RANBP2: variants seen among roughly 807,000 people sequenced by gnomAD.
RANBP2 encodes the protein RAN binding protein 2.
A neutral mutation model predicts 303.6 loss-of-function variants in RANBP2; 57 were observed. The observed-to-expected ratio is 0.19, with a 90% CI of 0.15 to 0.23. The LOEUF (loss-of-function observed/expected upper bound fraction) is 0.23, where lower values mean the gene tolerates loss of function less well. RANBP2 is among the 10% of genes least tolerant of loss of function. The pLI, the probability that RANBP2 is intolerant of heterozygous loss-of-function variation, is 1.00. For missense variants in RANBP2, 3,138 were observed against 3,780.8 expected (o/e 0.83, Z 4.46); for synonymous variants, 1,167 against 1,301.5 (o/e 0.90, Z 2.23).
the RANBP2 span, among the ~76,000 whole-genome samples, chr2:109,196,888 C>T: frequency 4.6e-5 from 7 of 152,200 alleles, no homozygotes; most frequent in African/African-American, 1.2e-4. Context: ...CCTTTGAGGA[C>T]CCCGGCACAT....
chr2:109,776,988 AATAGAG>A, the RANBP2 span, among the ~76,000 whole-genome samples: 1 of 49,656 alleles, frequency 2.0e-5, no homozygotes, highest in African/African-American at 6.5e-5. Flanking sequence ...GTCATCTGTG[AATAGAG>A]ATAGTTTTGC....
chr2:109,209,881 T>G, the RANBP2 span, among the ~76,000 whole-genome samples: 1 of 152,308 alleles, frequency 6.6e-6, no homozygotes, highest in African/African-American at 2.4e-5. Context: ...TACAGTTCAG[T>G]GGCATTAAGT....
the RANBP2 span, among the ~76,000 whole-genome samples, chr2:108,979,485 A>T: frequency 2.0e-5 from 3 of 151,590 alleles, no homozygotes; most frequent in South Asian, 4.2e-4. Flanking sequence ...ACACACACAC[A>T]CACACACACA....
chr2:108,749,090 C>T lies in RANBP2; in HGVS notation c.1234C>T (p.Arg412Ter). The T allele has an allele frequency of 6.2e-7, 1 of 1,611,824 alleles. No homozygotes were observed. Among genetic ancestry groups the T allele is most frequent in the Non-Finnish European group, 8.5e-7 (1 of 1,179,842 alleles). Residue 412 changes from arginine (R) to a stop codon, truncating the protein, a stop_gained, in exon 9 of 29, where the codon CGA becomes TGA. Transcript: ENST00000283195. LOFTEE classifies it high-confidence loss of function. ...CGATGATATTGGAAACATTGATGTA[C>T]GAGAACCAGAGCTTGAAGATTTGAC... ...GSDDIGNIDVREPELEDLTRY... is the reference protein window; with the variant it reads ...GSDDIGNIDV
At chr2:109,351,323 G>T in the RANBP2 span, among the ~76,000 whole-genome samples, 1 of 152,164 alleles carries the variant, frequency 6.6e-6, no homozygotes. Context: ...AACCTTTCTG[G>T]GCCAGGAGCA....
chr2:109,096,810 T>C, the RANBP2 span, among the ~76,000 whole-genome samples: 3 of 152,008 alleles, frequency 2.0e-5, no homozygotes, highest in Non-Finnish European at 4.4e-5. Flanking sequence ...CTTTTTTTTT[T>C]TTTCAGACCC....
chr2:109,633,864 G>A, the RANBP2 span, among the ~76,000 whole-genome samples: 1 of 147,296 alleles, frequency 6.8e-6, no homozygotes, highest in Non-Finnish European at 1.5e-5. Flanking sequence ...GCTCACGTCT[G>A]TAATTCCAGC....
the RANBP2 span, among the ~76,000 whole-genome samples, chr2:109,273,918 G>A: frequency 7.9e-5 from 12 of 152,132 alleles, no homozygotes; most frequent in Middle Eastern, 3.2e-3. Context: ...TGGTAGGACT[G>A]GGTTTGGTGC....
the RANBP2 span, among the ~76,000 whole-genome samples, chr2:109,204,052 G>A: frequency 1.3e-5 from 2 of 152,168 alleles, no homozygotes; most frequent in African/African-American, 4.8e-5. Context: ...GAGGCCATTC[G>A]AAAAATGCCT....
chr2:109,077,122 A>G, the RANBP2 span, among the ~76,000 whole-genome samples: 1 of 150,782 alleles, frequency 6.6e-6, no homozygotes, highest in African/African-American at 2.4e-5. Context: ...AAGGACCCCA[A>G]GAATACACAA....
chr2:108,736,041 A>G, intron 5 of RANBP2, 63 bp from the exon 6 acceptor site: 1 of 1,611,482 alleles, frequency 6.2e-7, no homozygotes, highest in Non-Finnish European at 8.5e-7. Flanking sequence ...TTGTAGGCTT[A>G]AAATGATTAA....
chr2:108,742,785 C>T (rs1441548062), intron 7 of RANBP2, among the ~76,000 whole-genome samples: 2 of 151,850 alleles, frequency 1.3e-5, no homozygotes, highest in Non-Finnish European at 2.9e-5. Context: ...ACTGATAGTT[C>T]TTATTTTTAT....
chr2:109,730,142 C>A, the RANBP2 span, among the ~76,000 whole-genome samples: 3 of 152,164 alleles, frequency 2.0e-5, no homozygotes, highest in Admixed American at 6.5e-5. Flanking sequence ...CAGAGCCAAA[C>A]CACATCAGGT....
chr2:108,806,749 T>A, the RANBP2 span, among the ~76,000 whole-genome samples: 1 of 152,200 alleles, frequency 6.6e-6, no homozygotes, highest in Non-Finnish European at 1.5e-5. Context: ...AAAAGATATG[T>A]TATTTCTGTG....
At chr2:109,382,055 CTG>C in the RANBP2 span, among the ~76,000 whole-genome samples, 1 of 152,128 alleles carries the variant, frequency 6.6e-6, no homozygotes, top group African/African-American at 2.4e-5. Flanking sequence ...GGCTTGAGGT[CTG>C]CAGTTGCTTA....
At position 108,764,654 on chromosome 2, in the gene RANBP2, G is replaced by A. The variant is rs989658860; in HGVS notation, c.4115G>A (p.Cys1372Tyr). ...AAGAATGCTTCAACTGCTAAGAAAT[G>A]TGTATCATGCCAAAATCTAAACCCA... is the stretch of plus-strand genomic sequence containing the variant. ...SLKNASTAKK[C>Y]VSCQNLNPSN... is the part of the protein sequence containing the mutation. The change falls in exon 20 of 29, where the codon TGT becomes TAT. Residue 1372 changes from cysteine (C) to tyrosine (Y), a missense_variant. This residue lies in a region of RANBP2 where 388 missense variants were observed against 328.5 expected (regional missense o/e 1.18). Transcript: ENST00000283195. 1.2e-6 allele frequency: 2 copies of A among 1,613,950 alleles called. No homozygotes were observed. Among genetic ancestry groups the A allele is most frequent in the African/African-American group, 1.3e-5 (1 of 74,916 alleles).
chr2:109,588,834 C>A, the RANBP2 span, among the ~76,000 whole-genome samples: 4 of 134,164 alleles, frequency 3.0e-5, no homozygotes, highest in African/African-American at 2.8e-5. Context: ...AAGTTAAAGC[C>A]TAGGTCAATT....
chr2:109,678,136 G>C, the RANBP2 span, among the ~76,000 whole-genome samples: 1 of 152,206 alleles, frequency 6.6e-6, no homozygotes, highest in African/African-American at 2.4e-5. Context: ...AGAATGGACA[G>C]CACCAAGCAA....
chr2:109,557,608 G>A, the RANBP2 span, among the ~76,000 whole-genome samples: 1 of 152,138 alleles, frequency 6.6e-6, no homozygotes, highest in Non-Finnish European at 1.5e-5. Context: ...GCATCTCATC[G>A]TGCTGCTTTC....
Sources: allele counts gnomAD v4.1 joint callset (sites outside exome capture counted in the v4.1 genomes callset), GRCh38; gene constraint gnomAD v4.1.1; regional missense constraint gnomAD v4.1.1; transcripts MANE v1.5; gene names NCBI Gene and HGNC (gene_info 2026-07-23, HGNC 2026-07-21).